RTN1: variants seen among roughly 807,000 people sequenced by gnomAD.
The protein encoded by RTN1 is reticulon 1, also known as reticulon-1.
A neutral mutation model predicts 65.5 loss-of-function variants in RTN1; 25 were observed. The ratio of observed to expected loss-of-function variants is 0.38; its 90% CI spans 0.28 to 0.53. The LOEUF (loss-of-function observed/expected upper bound fraction) is 0.53, where lower values mean the gene tolerates loss of function less well. Ranked by LOEUF, RTN1 falls within the 20% of genes least tolerant of loss-of-function variation. The pLI, the probability that RTN1 is intolerant of heterozygous loss-of-function variation, is 0.79. For synonymous variants in RTN1, 471 were observed against 447.6 expected (o/e 1.05, Z -0.66); for missense variants, 983 against 1,025.4 (o/e 0.96, Z 0.57).
At chr14:59,812,489 T>C (rs2139614730) in intron 1 of RTN1, among the ~76,000 whole-genome samples, 1 of 152,224 alleles carries the variant, frequency 6.6e-6, no homozygotes, top group South Asian at 2.1e-4. Flanking sequence ...TGAAGGAGGG[T>C]TATCTGAAAT....
At chr14:59,783,028 C>A (rs1406184239) in intron 1 of RTN1, among the ~76,000 whole-genome samples, 2 of 152,098 alleles carry the variant, frequency 1.3e-5, no homozygotes, top group Non-Finnish European at 1.5e-5. Flanking sequence ...CCATTTACTC[C>A]CCACAACCAC....
At chr14:59,725,674 C>A (rs1043431702) in intron 3 of RTN1, among the ~76,000 whole-genome samples, 4 of 152,196 alleles carry the variant, frequency 2.6e-5, no homozygotes, top group Admixed American at 6.5e-5. Context: ...CCACACCATG[C>A]CACATGTCTG....
intron 1 of RTN1, among the ~76,000 whole-genome samples, chr14:59,761,233 G>T (rs1566718065): frequency 6.6e-6 from 1 of 152,154 alleles, no homozygotes; most frequent in Non-Finnish European, 1.5e-5. Flanking sequence ...ATATGGTTTG[G>T]CTGTGTCCCC....
intron 3 of RTN1, among the ~76,000 whole-genome samples, chr14:59,646,419 C>A (rs1206666286): frequency 2.0e-5 from 3 of 152,186 alleles, no homozygotes; most frequent in Non-Finnish European, 4.4e-5. Context: ...ACTTTCCCAA[C>A]CTCACTACAG....
chr14:59,718,591 C>G (rs1884586367), intron 3 of RTN1, among the ~76,000 whole-genome samples: 1 of 152,142 alleles, frequency 6.6e-6, no homozygotes, highest in Non-Finnish European at 1.5e-5. Flanking sequence ...CAGTGTCAGC[C>G]ACCCAAACAT....
rs749273185 is a variant in RTN1, at chr14:59,800,060, C to T, written c.242-53579G>A. Reference sequence around the variant, plus strand: ...GATGGGCAAGGAAAGAGAACCCCTCCGTGGCACAGATATACAGAGCCTGCT... The same window carrying T: ...GATGGGCAAGGAAAGAGAACCCCTCTGTGGCACAGATATACAGAGCCTGCT... On this transcript the variant is annotated intron_variant, in intron 1 of 8. Transcript: ENST00000267484. 3.9e-5 allele frequency among the ~76,000 whole-genome samples: 6 copies of T among 152,246 alleles called. No homozygotes were observed. The East Asian group carries it at 5.8e-4, about 15-fold the overall frequency.
chr14:59,817,544 G>A (rs1173475012), intron 1 of RTN1, among the ~76,000 whole-genome samples: 1 of 151,762 alleles, frequency 6.6e-6, no homozygotes, highest in East Asian at 1.9e-4. Flanking sequence ...TAATAAACAT[G>A]CTTCGGTGTC....
intron 1 of RTN1, among the ~76,000 whole-genome samples, chr14:59,853,639 C>T (rs999207020): frequency 2.6e-5 from 4 of 152,144 alleles, no homozygotes; most frequent in African/African-American, 9.7e-5. Context: ...CCAGCTCTCT[C>T]CTACTTGTTT....
rs1177835539 is a variant in RTN1, at chr14:59,745,713, C to T, written c.1010G>A (p.Gly337Glu). ...AGCAATAACAGGGCCTTTACCTGTT[C>T]CAGAAGATGGAGGGGTGATAGATCC... ...SPGSITPPSS[G>E]TEPSAAESQG... Residue 337 changes from glycine to glutamate, a missense_variant, in exon 2 of 9, where the codon GGA (glycine) becomes GAA (glutamate). Physicochemically the swap from Gly to Glu is moderately conservative, Grantham distance 98 (BLOSUM62 -2). This residue lies in a region of RTN1 where 818 missense variants were observed against 801.8 expected (regional missense o/e 1.02). Transcript: ENST00000267484. The T allele has an allele frequency of 6.3e-7, 1 of 1,599,000 alleles. No homozygotes were observed. Among genetic ancestry groups the T allele is most frequent in the Non-Finnish European group, 8.5e-7 (1 of 1,174,402 alleles).
chr14:59,864,488 T>A (rs904146277), intron 1 of RTN1, among the ~76,000 whole-genome samples: 1 of 151,978 alleles, frequency 6.6e-6, no homozygotes, highest in African/African-American at 2.4e-5. Flanking sequence ...TACTTAATCA[T>A]CCCTTGATAT....
intron 3 of RTN1, among the ~76,000 whole-genome samples, chr14:59,647,406 A>T (rs746757988): frequency 6.6e-6 from 1 of 152,216 alleles, no homozygotes; most frequent in Admixed American, 6.5e-5. Context: ...CAGAAAATTA[A>T]CAAGGATATT....
chr14:59,705,545 C>A (rs755025813), intron 3 of RTN1, among the ~76,000 whole-genome samples: 22 of 152,196 alleles, frequency 1.4e-4, no homozygotes, highest in Non-Finnish European at 2.9e-4. Flanking sequence ...ACAACTCAAC[C>A]TTTCTCCCTA....
At chr14:59,855,274 A>G (rs1887584282) in intron 1 of RTN1, among the ~76,000 whole-genome samples, 1 of 152,042 alleles carries the variant, frequency 6.6e-6, no homozygotes. Flanking sequence ...GGTCATTTCT[A>G]TTGTTTCTCT....
chr14:59,832,057 A>G (rs983246669), intron 1 of RTN1, among the ~76,000 whole-genome samples: 2 of 152,162 alleles, frequency 1.3e-5, no homozygotes, highest in African/African-American at 4.8e-5. Context: ...GGATCTTAAA[A>G]GGGTCATTAA....
At chr14:59,656,388 G>A (rs1883124167) in intron 3 of RTN1, among the ~76,000 whole-genome samples, 1 of 152,158 alleles carries the variant, frequency 6.6e-6, no homozygotes, top group Non-Finnish European at 1.5e-5. Context: ...AAATATGGAA[G>A]AAAAAAATTG....
chr14:59,675,086 C>T (rs1057135188), intron 3 of RTN1, among the ~76,000 whole-genome samples: 1 of 151,964 alleles, frequency 6.6e-6, no homozygotes, highest in African/African-American at 2.4e-5. Context: ...CAAACACACA[C>T]ACATTATCAA....
At chr14:59,788,861 A>C (rs576566373) in intron 1 of RTN1, among the ~76,000 whole-genome samples, 1 of 152,290 alleles carries the variant, frequency 6.6e-6, no homozygotes, top group Non-Finnish European at 1.5e-5. Flanking sequence ...GTCAAGTTCC[A>C]ATAAGGATGC....
intron 3 of RTN1, among the ~76,000 whole-genome samples, chr14:59,616,258 CAT>C (rs1209715004): frequency 6.6e-6 from 1 of 152,110 alleles, no homozygotes; most frequent in Admixed American, 6.5e-5. Context: ...CAGTAATCAT[CAT>C]AATTATTATG....
chr14:59,813,304 C>T lies in RTN1; in HGVS notation c.241+57086G>A, dbSNP rs994991333. Among the ~76,000 whole-genome samples the T allele has an allele frequency of 1.1e-4, 16 of 152,206 alleles. 1 individual carries two copies. Among genetic ancestry groups the T allele is most frequent in the Admixed American group, 6.5e-4 (10 of 15,294 alleles). On this transcript the variant is annotated intron_variant, in intron 1 of 8. Transcript: ENST00000267484. ...TTCTAATCCATCTAAAAATCTTCCA[C>T]GAGAAGTTTCTGTGAGTTTTGAAGC...
Sources: allele counts gnomAD v4.1 joint callset (sites outside exome capture counted in the v4.1 genomes callset), GRCh38; gene constraint gnomAD v4.1.1; regional missense constraint gnomAD v4.1.1; transcripts MANE v1.5; gene names NCBI Gene and HGNC (gene_info 2026-07-23, HGNC 2026-07-21).